POR: variants seen among roughly 807,000 people sequenced by gnomAD.
POR encodes the protein cytochrome p450 oxidoreductase.
Under a neutral mutation model 84.0 loss-of-function variants are expected in POR, and 56 were observed. The observed-to-expected ratio is 0.67, with a 90% CI of 0.54 to 0.83. The LOEUF (loss-of-function observed/expected upper bound fraction) is 0.83, where lower values mean the gene tolerates loss of function less well. Among genes scored for constraint, POR ranks in the 40% least tolerant of loss-of-function variants. The pLI is 0.00. For missense variants in POR, 938 were observed against 944.3 expected (o/e 0.99, Z 0.09); for synonymous variants, 414 against 400.5 (o/e 1.03, Z -0.40).
rs151259221 is a variant in POR at position 75,930,954 on chromosome 7, C to T, written c.-5+15775C>T. ...CCTCTAACCTCAGCCTCCTGAGTAG[C>T]GGGGACTACAGGTGTGCACCACCAC... On this transcript the variant is annotated intron_variant, in intron 1 of 15. Transcript: ENST00000461988. 4.0e-3 allele frequency among the ~76,000 whole-genome samples: 611 copies of T among 152,242 alleles called. 4 individuals are homozygous for T. Among genetic ancestry groups the T allele is most frequent in the African/African-American group, 0.012 (489 of 41,548 alleles).
intron 1 of POR, among the ~76,000 whole-genome samples, chr7:75,949,177 C>T (rs1236159112): frequency 3.3e-5 from 5 of 151,412 alleles, no homozygotes; most frequent in Non-Finnish European, 4.4e-5. Flanking sequence ...GTTTTTGAGA[C>T]GGAGTCTCAC....
At chr7:75,933,786 T>G (rs1554550439) in intron 1 of POR, among the ~76,000 whole-genome samples, 1 of 152,220 alleles carries the variant, frequency 6.6e-6, no homozygotes, top group Non-Finnish European at 1.5e-5. Context: ...TAACAATTCT[T>G]GAGCGCCCTT....
Position 75,972,419 on chromosome 7 carries a change from C to G in POR, c.195C>G (p.Ser65=), listed in dbSNP as rs1788483332. 4 of 1,610,378 alleles carry G rather than the reference C, an allele frequency of 2.5e-6. No individual in the cohort carries two copies. The highest frequency in any genetic ancestry group is 3.4e-6 in the Non-Finnish European group (4 of 1,178,408). Reference sequence around the variant, plus strand: ...GCACACTTTTGTCTTGCAGGACCTCCTCTGTCAGAGAGAGCAGCTTTGTGG... The same window carrying G: ...GCACACTTTTGTCTTGCAGGACCTCGTCTGTCAGAGAGAGCAGCTTTGTGG... Residue 65 remains serine, a synonymous_variant, in exon 3 of 16, where the codon TCC becomes TCG. Coordinates refer to ENST00000461988, the MANE Select transcript of POR (RefSeq NM_000941.3).
chr7:75,951,067 C>T lies in POR; in HGVS notation c.-4-2922C>T, dbSNP rs1211536473. On this transcript the variant is annotated intron_variant, in intron 1 of 15. Coordinates refer to ENST00000461988, the MANE Select transcript of POR (RefSeq NM_000941.3). ...GAGCGAGGCTCTGTCCCCCGGCCCCCCCCCCCCCCGAAAAAAAAAAAGTCA... is the reference window on the plus strand; with the variant it reads ...GAGCGAGGCTCTGTCCCCCGGCCCCTCCCCCCCCCGAAAAAAAAAAAGTCA... 3.0e-5 allele frequency among the ~76,000 whole-genome samples: 2 copies of T among 67,058 alleles called. 1 individual carries two copies. The highest frequency in any genetic ancestry group is 1.9e-3 in the South Asian group (2 of 1,044). The allele number at this position is 67,058 out of a possible 152,430, so 44.0% of individuals were successfully genotyped here.
chr7:75,949,219 A>G (rs1787310645), intron 1 of POR, among the ~76,000 whole-genome samples: 1 of 151,714 alleles, frequency 6.6e-6, no homozygotes, highest in Admixed American at 6.6e-5. Flanking sequence ...CAGTGGCGTG[A>G]TCTCAGCTCA....
rs781946801 is a variant in POR at position 75,986,189 on chromosome 7, C to G, written c.1846C>G (p.Arg616Gly). The change falls in exon 15 of 16, where the codon CGA becomes GGA. Residue 616 changes from arginine (R) to glycine (G), a missense_variant. By Grantham distance (125) the Arg-to-Gly change is moderately radical. Coordinates refer to ENST00000461988, the MANE Select transcript of POR (RefSeq NM_000941.3). Reference sequence around the variant, plus strand: ...CGTCCAGCACCTGCTAAAGCAAGACCGAGAGCACCTGTGGAAGTTGATCGA... The same window carrying G: ...CGTCCAGCACCTGCTAAAGCAAGACGGAGAGCACCTGTGGAAGTTGATCGA... The G allele has an allele frequency of 2.5e-6, 4 of 1,612,188 alleles. No individual in the cohort carries two copies. The East Asian group carries it at 6.7e-5, about 27-fold the overall frequency.
chr7:75,964,004 T>C (rs1013853436), intron 2 of POR, among the ~76,000 whole-genome samples: 9 of 126,694 alleles, frequency 7.1e-5, no homozygotes, highest in Non-Finnish European at 1.3e-4. Context: ...TTTCTTTCTT[T>C]CTTTTTTTTT....
At chr7:75,959,347 A>T (rs890329944) in intron 2 of POR, among the ~76,000 whole-genome samples, 3 of 152,184 alleles carry the variant, frequency 2.0e-5, no homozygotes, top group Non-Finnish European at 4.4e-5. Context: ...GATTTCTGTT[A>T]TAGCCACAGA....
intron 2 of POR, among the ~76,000 whole-genome samples, chr7:75,962,029 T>C (rs1228220228): frequency 6.6e-6 from 1 of 151,338 alleles, no homozygotes; most frequent in Middle Eastern, 3.2e-3. Context: ...AAAAAAAAAG[T>C]AAACTTCAAG....
At chr7:75,927,335 G>A (rs976971393) in intron 1 of POR, among the ~76,000 whole-genome samples, 8 of 151,934 alleles carry the variant, frequency 5.3e-5, no homozygotes, top group African/African-American at 9.7e-5. Flanking sequence ...GCGAAACCCC[G>A]TATCTTAACA....
At chr7:75,918,911 C>T (rs781943854) in intron 1 of POR, among the ~76,000 whole-genome samples, 2 of 151,704 alleles carry the variant, frequency 1.3e-5, no homozygotes, top group Non-Finnish European at 2.9e-5. Context: ...CGTGGTGGCA[C>T]TTGTCTGAAA....
At chr7:75,953,180 G>C (rs564187212) in intron 1 of POR, among the ~76,000 whole-genome samples, 2 of 152,028 alleles carry the variant, frequency 1.3e-5, no homozygotes, top group African/African-American at 4.8e-5. Context: ...CCAGTCAGGC[G>C]TGGCGGCGCG....
chr7:75,981,717 C>G (rs1460775076), intron 7 of POR, 111 bp downstream of exon 7: 3 of 888,766 alleles, frequency 3.4e-6, no homozygotes, highest in East Asian at 5.3e-5. Context: ...GAAGACACTC[C>G]GTCATAGGGT....
At chr7:75,933,770 CA>C (rs1554550438) in intron 1 of POR, among the ~76,000 whole-genome samples, 2 of 152,180 alleles carry the variant, frequency 1.3e-5, no homozygotes, top group Admixed American at 6.5e-5. Flanking sequence ...GTTGCAACAG[CA>C]GTGCTAACAA....
At chr7:75,958,879 A>G (rs1554554129) in intron 2 of POR, among the ~76,000 whole-genome samples, 1 of 152,136 alleles carries the variant, frequency 6.6e-6, no homozygotes, top group African/African-American at 2.4e-5. Flanking sequence ...CAAGGAGAGT[A>G]TTCCTTATCT....
intron 2 of POR, among the ~76,000 whole-genome samples, chr7:75,970,209 G>A (rs1295512006): frequency 3.3e-5 from 5 of 152,066 alleles, no homozygotes; most frequent in Non-Finnish European, 5.9e-5. Context: ...TACTCAGGGT[G>A]TAGCTATTCT....
chr7:75,965,280 G>T (rs1341473945), intron 2 of POR, among the ~76,000 whole-genome samples: 2 of 147,484 alleles, frequency 1.4e-5, no homozygotes, highest in Non-Finnish European at 3.0e-5. Context: ...CAGAGAAAGG[G>T]CTCCAAGCCA....
chr7:75,972,703 C>G, intron 3 of POR: 1 of 584,642 alleles, frequency 1.7e-6, no homozygotes. Context: ...AGTCTAAGAA[C>G]AGACCCTCCC....
chr7:75,952,597 T>G (rs1277694500), intron 1 of POR, among the ~76,000 whole-genome samples: 3 of 148,208 alleles, frequency 2.0e-5, no homozygotes, highest in Non-Finnish European at 4.5e-5. Context: ...GTCTCCTCAC[T>G]TCTCAGACGG....
Sources: gnomAD v4.1 joint callset for allele counts (sites outside exome capture counted in the v4.1 genomes callset) on GRCh38, gnomAD v4.1.1 for gene constraint, MANE v1.5 for transcripts, NCBI Gene and HGNC (gene_info 2026-07-23, HGNC 2026-07-21) for gene names.